MUC17: variants seen among roughly 807,000 people sequenced by gnomAD.
The protein encoded by MUC17 is mucin 17, cell surface associated.
Under a neutral mutation model 170.3 loss-of-function variants are expected in MUC17, and 190 were observed. The observed-to-expected ratio is 1.12, with a 90% CI of 0.99 to 1.26. The LOEUF is 1.26. Among genes scored for constraint, MUC17 ranks in the 50% most tolerant of loss-of-function variants. The probability of loss-of-function intolerance (pLI) is 0.00; values close to 1 mark genes in which losing one functional copy is unlikely to be tolerated. For synonymous variants in MUC17, 2,325 were observed against 2,002.5 expected, an observed-to-expected ratio of 1.16 and a Z score of -4.30; for missense variants, 6,415 against 5,530.0, an observed-to-expected ratio of 1.16 and a Z score of -5.08.
chr7:101,020,822 A>G (rs996214444), intron 1 of MUC17, among the ~76,000 whole-genome samples: 24 of 152,302 alleles, frequency 1.6e-4, no homozygotes, highest in African/African-American at 5.5e-4. Context: ...TCTGAGGATC[A>G]TTCCAGCTCA....
rs1474364594 is a variant in MUC17 at position 101,038,031 on chromosome 7, T to C, written c.6615T>C (p.Ser2205=). 6.3e-7 allele frequency: 1 copy of C among 1,594,426 alleles called. No individual in the cohort carries two copies. Among genetic ancestry groups the C allele is most frequent in the Non-Finnish European group, 8.5e-7 (1 of 1,169,596 alleles). The part of the protein sequence containing the change: ...STEARSSPTT[S]EGTSMPTSTP... ...AAGCCCGTTCATCTCCTACAACTTCTGAAGGTACCAGCATGCCAACCTCAA... is the reference window on the plus strand; with the variant it reads ...AAGCCCGTTCATCTCCTACAACTTCCGAAGGTACCAGCATGCCAACCTCAA... The change falls in exon 3 of 13, where the codon TCT becomes TCC. Residue 2205 remains serine (S), a synonymous_variant. Coordinates refer to ENST00000306151, the MANE Select transcript of MUC17 (RefSeq NM_001040105.2).
chr7:101,040,168 A>G lies in MUC17; in HGVS notation c.8752A>G (p.Met2918Val). The stretch of plus-strand genomic sequence containing the variant: ...TCCTACAACTGCTGAAGGTACCAGC[A>G]TGCCAATCTCAACTCCTAGTGAAGT... ...SSPTTAEGTS[M>V]PISTPSEVST... The change falls in exon 3 of 13, where the codon ATG (methionine) becomes GTG (valine). Residue 2918 changes from methionine (M) to valine (V), a missense_variant. Transcript: ENST00000306151. 6.2e-7 allele frequency: 1 copy of G among 1,612,998 alleles called. No individual in the cohort carries two copies. Among genetic ancestry groups the G allele is most frequent in the Admixed American group, 1.7e-5 (1 of 59,748 alleles).
At position 101,040,826 on chromosome 7, in the gene MUC17, C is replaced by T; in HGVS notation, c.9410C>T (p.Thr3137Ile). Residue 3137 changes from threonine to isoleucine, a missense_variant, in exon 3 of 13, where the codon ACC becomes ATC. Transcript: ENST00000306151. ...TTPVDTSTPV[T>I]TSTEAHSSPT... Reference sequence around the variant, plus strand: ...CCTGTTGACACCAGCACACCTGTGACCACTTCTACTGAAGCCCATTCATCT... The same window carrying T: ...CCTGTTGACACCAGCACACCTGTGATCACTTCTACTGAAGCCCATTCATCT... 6.2e-7 allele frequency: 1 copy of T among 1,613,626 alleles called. No homozygotes were observed.
At position 101,035,127 on chromosome 7, in the gene MUC17, C is replaced by T. The variant is rs750152798; in HGVS notation, c.3711C>T (p.Ser1237=). 14 of 1,610,994 alleles carry T rather than the reference C, an allele frequency of 8.7e-6. No individual in the cohort carries two copies. Among genetic ancestry groups the T allele is most frequent in the Non-Finnish European group, 1.1e-5 (13 of 1,178,636 alleles). ...CGCCAGTGGCCAGTTCTGAGGCTAG[C>T]ACCCTTTCAACATCTCCCGTTGACA... ...RHTPVASSEA[S]TLSTSPVDTS... Residue 1237 remains serine, a synonymous_variant, in exon 3 of 13, where the codon AGC becomes AGT. Coordinates refer to ENST00000306151, the MANE Select transcript of MUC17 (RefSeq NM_001040105.2).
rs1393538250 is a variant in MUC17 at position 101,032,065 on chromosome 7, C to T, written c.649C>T (p.Pro217Ser). 1 of 1,614,196 alleles carries T rather than the reference C, an allele frequency of 6.2e-7. No homozygotes were observed. The highest frequency in any genetic ancestry group is 8.5e-7 in the Non-Finnish European group (1 of 1,180,024). Residue 217 changes from proline to serine, a missense_variant, in exon 3 of 13, where the codon CCA (proline) becomes TCA (serine). Coordinates refer to ENST00000306151, the MANE Select transcript of MUC17 (RefSeq NM_001040105.2). Reference protein sequence around the residue: ...PKSTNSEGSTPLTSMPASTMK... With the variant: ...PKSTNSEGSTSLTSMPASTMK... ...ATCAACTAACAGTGAAGGAAGCACT[C>T]CATTAACAAGTATGCCTGCCAGCAC...
At chr7:101,049,254 G>A (rs1193819018) in intron 5 of MUC17, 70 bp from the exon 6 acceptor site, 1 of 1,605,930 alleles carries the variant, frequency 6.2e-7, no homozygotes, top group Admixed American at 1.7e-5. Context: ...CTGGTCCTGT[G>A]ACCTCCTGAT....
chr7:101,032,945 G>C lies in MUC17; in HGVS notation c.1529G>C (p.Ser510Thr), dbSNP rs761965644. The stretch of plus-strand genomic sequence containing the variant: ...CCAACCTCAACTCCTAGTGAAGGAA[G>C]CACTCCATTAACAAGTATGTCTGTC... Reference protein sequence around the residue: ...SMPTSTPSEGSTPLTSMSVST... With the variant: ...SMPTSTPSEGTTPLTSMSVST... Residue 510 changes from serine to threonine, a missense_variant, in exon 3 of 13, where the codon AGC (serine) becomes ACC (threonine). Coordinates refer to ENST00000306151, the MANE Select transcript of MUC17 (RefSeq NM_001040105.2). The C allele has an allele frequency of 1.9e-6, 3 of 1,614,062 alleles. No homozygotes were observed. The highest frequency in any genetic ancestry group is 1.7e-5 in the Admixed American group (1 of 60,018).
At chr7:101,027,824 T>C (rs565555125) in intron 1 of MUC17, among the ~76,000 whole-genome samples, 2 of 152,096 alleles carry the variant, frequency 1.3e-5, no homozygotes, top group East Asian at 3.9e-4. Context: ...CAGACTGGAG[T>C]GCAGTGATGC....
Position 101,042,624 on chromosome 7 carries a change from A to AG in MUC17, c.11208_11209insG (p.Thr3737AspfsTer3), listed in dbSNP as rs781460702. 4.8e-5 allele frequency: 77 copies of AG among 1,613,986 alleles called. No individual in the cohort carries two copies. The highest frequency in any genetic ancestry group is 1.2e-5 in the Non-Finnish European group (14 of 1,180,036). On this transcript the variant is annotated frameshift_variant, in exon 3 of 13. Transcript: ENST00000306151. LOFTEE classifies it high-confidence loss of function. ...CTACTGAAGCCATTTCATCTTCTGC[A>AG]ACTCTTGACAGCACCACCATGTCTG...
intron 3 of MUC17, among the ~76,000 whole-genome samples, chr7:101,044,133 T>C (rs1477782003): frequency 1.3e-5 from 2 of 152,216 alleles, no homozygotes; most frequent in African/African-American, 4.8e-5. Flanking sequence ...GAATGATGGT[T>C]TCCAGCTTCA....
In MUC17 at chr7:101,043,045, A is replaced by T; in HGVS notation, c.11629A>T (p.Thr3877Ser). 6.2e-7 allele frequency: 1 copy of T among 1,614,116 alleles called. No individual in the cohort carries two copies. Among genetic ancestry groups the T allele is most frequent in the South Asian group, 1.1e-5 (1 of 91,074 alleles). ...SITSERSTPL[T>S]TLLVSTTLPT... The stretch of plus-strand genomic sequence containing the variant: ...TACCAGTGAAAGAAGCACTCCATTA[A>T]CAACTCTCCTTGTCAGCACCACACT... The change falls in exon 3 of 13, where the codon ACA becomes TCA. Residue 3877 changes from threonine (T) to serine (S), a missense_variant. Thr to Ser is a moderately conservative substitution (Grantham distance 58). Transcript: ENST00000306151.
intron 6 of MUC17, 135 bp from the exon 7 acceptor site, chr7:101,050,349 C>A: frequency 7.7e-7 from 1 of 1,305,224 alleles, no homozygotes; most frequent in Non-Finnish European, 1.1e-6. Flanking sequence ...ATGCCTAGGA[C>A]AGAGTCATCA....
rs199551844 is a variant in MUC17, at chr7:101,048,017, G to A, written c.12437G>A (p.Arg4146His). ...GATGGGTGCCAGAATACGGCCTCTC[G>A]CTGCAAGAATGGAGGCACCTGGGAT... ...FGDGCQNTAS[R>H]CKNGGTWDGL... is the part of the protein sequence containing the mutation. The change falls in exon 4 of 13, where the codon CGC becomes CAC. Residue 4146 changes from arginine (R) to histidine (H), a missense_variant. By Grantham distance (29) the Arg-to-His change is conservative. Transcript: ENST00000306151. 2.1e-5 allele frequency: 33 copies of A among 1,605,496 alleles called. No individual in the cohort carries two copies. Among genetic ancestry groups the A allele is most frequent in the Admixed American group, 3.4e-5 (2 of 58,200 alleles).
chr7:101,034,188 TC>T lies in MUC17; in HGVS notation c.2774del (p.Pro925HisfsTer2). On this transcript the variant is annotated frameshift_variant, in exon 3 of 13. Transcript: ENST00000306151. LOFTEE classifies it high-confidence loss of function. ...PTSTPGEGST[P>X]LTSMPDSTTP... ...CCTCAACTCCTGGGGAAGGAAGCAC[TC>T]CATTAACAAGTATGCCTGACAGCAC... 1 of 1,585,502 alleles carries T rather than the reference TC, an allele frequency of 6.3e-7. No homozygotes were observed. The highest frequency in any genetic ancestry group is 8.6e-7 in the Non-Finnish European group (1 of 1,164,506).
Position 101,032,882 on chromosome 7 carries a change from C to T in MUC17, c.1466C>T (p.Ala489Val), listed in dbSNP as rs148849322. The change falls in exon 3 of 13, where the codon GCC becomes GTC. Residue 489 changes from alanine (A) to valine (V), a missense_variant. Ala to Val is a moderately conservative substitution (Grantham distance 64). Transcript: ENST00000306151. Reference sequence around the variant, plus strand: ...ACTCAGGTGACCACTTCTACTGAAGCCAGTTCATCTCCTCCAACTGCTGAA... The same window carrying T: ...ACTCAGGTGACCACTTCTACTGAAGTCAGTTCATCTCCTCCAACTGCTGAA... ...SKTQVTTSTE[A>V]SSSPPTAEVN... is the part of the protein sequence containing the mutation. The T allele has an allele frequency of 3.1e-6, 5 of 1,613,996 alleles. No individual in the cohort carries two copies. The highest frequency in any genetic ancestry group is 4.5e-5 in the East Asian group (2 of 44,854).
rs770007377 is a variant in MUC17, at chr7:101,058,388, C to T, written c.*344C>T. 3 of 193,134 alleles carry T rather than the reference C, an allele frequency of 1.6e-5. No homozygotes were observed. Among genetic ancestry groups the T allele is most frequent in the Admixed American group, 5.8e-5 (1 of 17,300 alleles). 12.0% of individuals were successfully genotyped at this position (193,134 alleles called of 1,614,324 possible). A position where few individuals can be genotyped will look rare whatever the true frequency, so the allele number is the denominator to read the frequency against. ...ATCTGGCTGAGCAGGCGGGTGTCCC[C>T]GTCCTCCCTCACTGCCCCATATGTG... is the stretch of plus-strand genomic sequence containing the variant. On this transcript the variant is annotated 3_prime_UTR_variant, in exon 13 of 13. Transcript: ENST00000306151.
chr7:101,036,374 C>T lies in MUC17; in HGVS notation c.4958C>T (p.Thr1653Ile), dbSNP rs1794478533. The T allele has an allele frequency of 1.9e-6, 3 of 1,612,916 alleles. No individual in the cohort carries two copies. Among genetic ancestry groups the T allele is most frequent in the Non-Finnish European group, 2.5e-6 (3 of 1,179,540 alleles). The change falls in exon 3 of 13, where the codon ACA becomes ATA. Residue 1653 changes from threonine to isoleucine, a missense_variant. By Grantham distance (89) the Thr-to-Ile change is moderately conservative. Transcript: ENST00000306151. ...AGTCCTGAGGCTAGCACCCTTTCAA[C>T]AACTCCTGTTGACTCCAACAGTCCT... is the stretch of plus-strand genomic sequence containing the variant. ...VASPEASTLS[T>I]TPVDSNSPVI... is the part of the protein sequence containing the mutation.
In MUC17 at chr7:101,051,630, A is replaced by G. The variant is rs1015176181; in HGVS notation, c.12892A>G (p.Thr4298Ala). 1 of 1,612,402 alleles carries G rather than the reference A, an allele frequency of 6.2e-7. No individual in the cohort carries two copies. The highest frequency in any genetic ancestry group is 8.5e-7 in the Non-Finnish European group (1 of 1,179,614). Residue 4298 changes from threonine to alanine, a missense_variant, in exon 8 of 13, where the codon ACC (threonine) becomes GCC (alanine). By Grantham distance (58) the Thr-to-Ala change is moderately conservative. Transcript: ENST00000306151. ...TTTCACAGACATGATGTGTTTCAAC[A>G]CCACTGGCACCCAAGTGCAAAACAT... ...DICSDMMCFN[T>A]TGTQVQNITV...
At chr7:101,020,760 C>T (rs1047092486) in intron 1 of MUC17, among the ~76,000 whole-genome samples, 1 of 152,086 alleles carries the variant, frequency 6.6e-6, no homozygotes, top group African/African-American at 2.4e-5. Context: ...ACCCTGGGGC[C>T]GCTCAGTTCA....
Sources: allele counts gnomAD v4.1 joint callset (sites outside exome capture counted in the v4.1 genomes callset), GRCh38; gene constraint gnomAD v4.1.1; transcripts MANE v1.5; gene names NCBI Gene and HGNC (gene_info 2026-07-23, HGNC 2026-07-21).